C5: variants seen among roughly 807,000 people sequenced by gnomAD.
The protein encoded by C5 is C3 and PZP-like alpha-2-macroglobulin domain-containing protein 4.
A neutral mutation model predicts 218.8 loss-of-function variants in C5; 140 were observed. That is an observed-to-expected ratio of 0.64 (90% CI 0.56 to 0.74). The LOEUF (loss-of-function observed/expected upper bound fraction) is 0.74. Among genes scored for constraint, C5 ranks in the 30% least tolerant of loss-of-function variants. The pLI is 0.00. For missense variants in C5, 1,700 were observed against 1,969.6 expected, an observed-to-expected ratio of 0.86 and a Z score of 2.59; for synonymous variants, 614 against 682.3, an observed-to-expected ratio of 0.90 and a Z score of 1.56.
chr9:120,969,079 C>A lies in C5; in HGVS notation c.4202G>T (p.Arg1401Leu), dbSNP rs62578420. Residue 1401 changes from arginine to leucine, a missense_variant, in exon 33 of 41, where the codon CGC (arginine) becomes CTC (leucine). By Grantham distance (102) the Arg-to-Leu change is moderately radical. Transcript: ENST00000223642. ...GGCTCACCTGGCACATGCTACTATG[C>A]GTTTGTAATCAGAGTTTCCGTAGCC... ...YRGYGNSDYK[R>L]IVACASYKPS... The A allele has an allele frequency of 6.2e-7, 1 of 1,613,864 alleles. No homozygotes were observed. Among genetic ancestry groups the A allele is most frequent in the Non-Finnish European group, 8.5e-7 (1 of 1,179,754 alleles).
At chr9:121,007,274 G>T (rs999450163) in intron 18 of C5, among the ~76,000 whole-genome samples, 38 of 152,302 alleles carry the variant, frequency 2.5e-4, no homozygotes, top group African/African-American at 8.9e-4. Context: ...TTTGTTGTGA[G>T]TATATTCTAA....
At chr9:121,023,743 G>A (rs2047387536) in intron 9 of C5, among the ~76,000 whole-genome samples, 3 of 152,164 alleles carry the variant, frequency 2.0e-5, no homozygotes, top group South Asian at 2.1e-4. Context: ...GCACAAGCTC[G>A]TATGTAGAGA....
intron 1 of C5, among the ~76,000 whole-genome samples, chr9:121,049,848 A>C (rs2047658491): frequency 2.0e-5 from 3 of 152,342 alleles, no homozygotes; most frequent in African/African-American, 7.2e-5. Flanking sequence ...TAGTCTATGA[A>C]AAACACAAAG....
chr9:121,042,747 T>C (rs1302309529), intron 3 of C5, among the ~76,000 whole-genome samples: 1 of 152,234 alleles, frequency 6.6e-6, no homozygotes, highest in African/African-American at 2.4e-5. Flanking sequence ...TGAAAAAGCA[T>C]TTTCTACTTG....
At chr9:121,029,541 T>C (rs533494462) in intron 7 of C5, among the ~76,000 whole-genome samples, 1 of 152,344 alleles carries the variant, frequency 6.6e-6, no homozygotes, top group South Asian at 2.1e-4. Context: ...TTATATAGAT[T>C]GGTATAACTA....
chr9:120,981,248 A>G (rs1484652342), intron 27 of C5, among the ~76,000 whole-genome samples: 1 of 152,226 alleles, frequency 6.6e-6, no homozygotes, highest in Non-Finnish European at 1.5e-5. Context: ...AGCTTCTGAA[A>G]CAAACTGAAA....
At chr9:121,013,852 G>A (rs763379099) in intron 17 of C5, 21 bp downstream of exon 17, 2 of 1,603,300 alleles carry the variant, frequency 1.2e-6, no homozygotes, top group African/African-American at 2.7e-5. Flanking sequence ...GCAGAATTCT[G>A]ATAGAAAATG....
intron 36 of C5, 52 bp downstream of exon 36, chr9:120,962,619 G>T: frequency 7.5e-7 from 1 of 1,330,172 alleles, no homozygotes; most frequent in Non-Finnish European, 1.1e-6. Flanking sequence ...TAAATGTTCT[G>T]GAAAGAATAC....
chr9:120,969,243 G>A (rs190022204), intron 32 of C5, 125 bp from the exon 33 acceptor site: 51 of 804,074 alleles, frequency 6.3e-5, no homozygotes, highest in Admixed American at 7.8e-5. Flanking sequence ...AATGATTTGT[G>A]ATTTGGAAGT....
chr9:121,037,989 A>C, intron 3 of C5, 38 bp from the exon 4 acceptor site: 3 of 937,860 alleles, frequency 3.2e-6, no homozygotes, highest in Non-Finnish European at 5.0e-6. Context: ...ACTCTGCTAA[A>C]AACAAGGATA....
chr9:121,043,106 C>G lies in C5; in HGVS notation c.319G>C (p.Val107Leu), dbSNP rs771897204. The G allele has an allele frequency of 6.2e-7, 1 of 1,613,252 alleles. No homozygotes were observed. The highest frequency in any genetic ancestry group is 1.1e-5 in the South Asian group (1 of 91,046). The change falls in exon 3 of 41, where the codon GTA becomes CTA. Residue 107 changes from valine (V) to leucine (L), a missense_variant. Val to Leu is a conservative substitution (Grantham distance 32). Transcript: ENST00000223642. ...NPVSYVYLEV[V>L]SKHFSKSKRM... The stretch of plus-strand genomic sequence containing the variant: ...TTTGATTTTGAAAAATGCTTTGATA[C>G]AACTTCCAAATACACATAAGAAACT...
At chr9:120,970,056 G>T in intron 32 of C5, 114 bp downstream of exon 32, 1 of 736,248 alleles carries the variant, frequency 1.4e-6, no homozygotes, top group South Asian at 1.5e-5. Flanking sequence ...AAAGTATTTG[G>T]TTAAGAAATT....
intron 25 of C5, among the ~76,000 whole-genome samples, chr9:120,988,701 C>A (rs2047052731): frequency 6.6e-6 from 1 of 152,152 alleles, no homozygotes; most frequent in Admixed American, 6.5e-5. Flanking sequence ...CATGATCTAA[C>A]ATATGTTTTA....
chr9:121,015,196 T>C lies in C5; in HGVS notation c.2059+3A>G, dbSNP rs374867185. ...TTTTACAATCACATGAATCTTACAG[T>C]ACCTATTTCTTCTATCTTCTTTTGC... On this transcript the variant is annotated splice_donor_region_variant and intron_variant, in intron 16 of 40. Coordinates refer to ENST00000223642, the MANE Select transcript of C5 (RefSeq NM_001735.3). The C allele has an allele frequency of 1.7e-4, 263 of 1,583,238 alleles. No individual in the cohort carries two copies. The highest frequency in any genetic ancestry group is 4.8e-4 in the Admixed American group (29 of 59,938).
Position 121,016,399 on chromosome 9 carries a change from A to C in C5, c.1867-16T>G. ...ATTGAAATACCTGTCCAGAAAGGCA[A>C]AATGTTGAGCACATTGAGATGTATA... On this transcript the variant is annotated splice_polypyrimidine_tract_variant and intron_variant, in intron 14 of 40. Coordinates refer to ENST00000223642, the MANE Select transcript of C5 (RefSeq NM_001735.3). The C allele has an allele frequency of 6.2e-7, 1 of 1,613,886 alleles. No individual in the cohort carries two copies. The highest frequency in any genetic ancestry group is 1.7e-4 in the Middle Eastern group (1 of 6,060).
intron 26 of C5, among the ~76,000 whole-genome samples, chr9:120,982,439 T>C (rs41311903): frequency 0.02 from 2,991 of 152,288 alleles, 97 homozygotes; most frequent in African/African-American, 0.069. Context: ...AAACGAGAGG[T>C]CTAAGATATC....
chr9:121,067,613 T>C, the C5 span, among the ~76,000 whole-genome samples: 12 of 150,078 alleles, frequency 8.0e-5, no homozygotes, highest in East Asian at 2.1e-3. Context: ...TTGAAACATA[T>C]GGTATGGTTT....
At chr9:121,043,700 C>CGT (rs1554725965) in intron 2 of C5, among the ~76,000 whole-genome samples, 1 of 120,662 alleles carries the variant, frequency 8.3e-6, no homozygotes, top group Non-Finnish European at 1.7e-5. Flanking sequence ...GTCCAGCTAA[C>CGT]TTTTTTTTTT....
chr9:121,061,639 G>T, the C5 span, among the ~76,000 whole-genome samples: 1 of 152,200 alleles, frequency 6.6e-6, no homozygotes, highest in African/African-American at 2.4e-5. Flanking sequence ...TAAATAAAGG[G>T]AAATTAATAA....
Sources: gnomAD v4.1 joint callset for allele counts (sites outside exome capture counted in the v4.1 genomes callset) on GRCh38, gnomAD v4.1.1 for gene constraint, MANE v1.5 for transcripts, NCBI Gene and HGNC (gene_info 2026-07-23, HGNC 2026-07-21) for gene names.